ESR1: variants seen among roughly 807,000 people sequenced by gnomAD.
ESR1 encodes estrogen receptor.
A neutral mutation model predicts 52.7 loss-of-function variants in ESR1; 12 were observed. The ratio of observed to expected loss-of-function variants is 0.23; its 90% confidence interval spans 0.15 to 0.37. The LOEUF (loss-of-function observed/expected upper bound fraction) is 0.37, where lower values mean the gene tolerates loss of function less well. Ranked by LOEUF, ESR1 falls within the 10% of genes least tolerant of loss-of-function variation. The probability of loss-of-function intolerance (pLI) is 1.00; values close to 1 mark genes in which losing one functional copy is unlikely to be tolerated. For missense variants in ESR1, 584 were observed against 779.7 expected, an observed-to-expected ratio of 0.75 and a Z score of 2.99; for synonymous variants, 305 against 316.8, an observed-to-expected ratio of 0.96 and a Z score of 0.39.
At chr6:151,914,424 A>G (rs1038747541) in intron 3 of ESR1, among the ~76,000 whole-genome samples, 2 of 152,242 alleles carry the variant, frequency 1.3e-5, no homozygotes, top group Non-Finnish European at 2.9e-5. Flanking sequence ...AGAATTTTCT[A>G]TCATATTCAG....
chr6:151,765,237 T>G (rs931262488), intron 2 of ESR1, among the ~76,000 whole-genome samples: 1 of 152,218 alleles, frequency 6.6e-6, no homozygotes, highest in African/African-American at 2.4e-5. Flanking sequence ...TTAGGAATAT[T>G]TAATCTGTAG....
intron 1 of ESR1, among the ~76,000 whole-genome samples, chr6:151,669,179 AGAGAGAGAGATGGG>A (rs1777950175): frequency 2.4e-5 from 3 of 124,966 alleles, no homozygotes; most frequent in East Asian, 2.2e-4. Context: ...AGAGAGAGAG[AGAGAGAGAGATGGG>A]AATCCAGGGG....
At chr6:151,694,867 T>A (rs1779215403) in intron 1 of ESR1, among the ~76,000 whole-genome samples, 1 of 152,092 alleles carries the variant, frequency 6.6e-6, no homozygotes, top group Non-Finnish European at 1.5e-5. Context: ...ATCTTCCCAC[T>A]AAGTGAATGA....
intron 4 of ESR1, among the ~76,000 whole-genome samples, chr6:151,997,501 A>G (rs2041597920): frequency 6.6e-6 from 1 of 152,138 alleles, no homozygotes; most frequent in Non-Finnish European, 1.5e-5. Context: ...ATCTCATAGG[A>G]TAATATTATA....
At chr6:151,674,444 G>C (rs1182943187) in intron 1 of ESR1, among the ~76,000 whole-genome samples, 1 of 152,182 alleles carries the variant, frequency 6.6e-6, no homozygotes, top group East Asian at 1.9e-4. Flanking sequence ...ATGGGCATTT[G>C]GGTTGGTTCC....
intron 2 of ESR1, among the ~76,000 whole-genome samples, chr6:151,758,285 T>A (rs2128091076): frequency 6.6e-6 from 1 of 152,350 alleles, no homozygotes; most frequent in African/African-American, 2.4e-5. Context: ...ACTTAAAATA[T>A]ACTCGTCTCC....
At chr6:152,097,730 A>G (rs940460265) in intron 7 of ESR1, among the ~76,000 whole-genome samples, 1 of 151,708 alleles carries the variant, frequency 6.6e-6, no homozygotes, top group Non-Finnish European at 1.5e-5. Flanking sequence ...CCCTCTGCCC[A>G]TTTCCCGCTG....
intron 6 of ESR1, chr6:152,112,996 A>T (rs2152513981): frequency 6.6e-6 from 1 of 152,368 alleles, no homozygotes; most frequent in South Asian, 2.1e-4. Flanking sequence ...AGTCAGATGG[A>T]GGTGGGGCGA....
chr6:151,696,427 A>G (rs1421032092), intron 1 of ESR1, among the ~76,000 whole-genome samples: 2 of 151,834 alleles, frequency 1.3e-5, no homozygotes, highest in African/African-American at 4.8e-5. Flanking sequence ...AGCTGAGATA[A>G]CACCACTGCA....
intron 1 of ESR1, chr6:151,811,073 A>C (rs12196113): frequency 6.6e-6 from 1 of 152,232 alleles, no homozygotes; most frequent in South Asian, 2.1e-4. Context: ...ATTTATGTGA[A>C]GGTCACGTCA....
chr6:152,020,306 C>A (rs1353937728), intron 5 of ESR1, among the ~76,000 whole-genome samples: 1 of 152,116 alleles, frequency 6.6e-6, no homozygotes, highest in Non-Finnish European at 1.5e-5. Context: ...TTCTTTTGAG[C>A]TGGCAGGGGG....
rs867177800 is a variant in ESR1, at chr6:151,856,166, G to A, written c.643+13379G>A. 3.3e-5 allele frequency among the ~76,000 whole-genome samples: 5 copies of A among 152,212 alleles called. 2 individuals carry two copies. In the Middle Eastern group the frequency reaches 0.017, roughly 518 times the overall value. ...TAACTTACTTTTGAAGTTTGACATG[G>A]GAGTGATATTAATAAAATCTAAAGA... On this transcript the variant is annotated intron_variant, in intron 2 of 7. Coordinates refer to ENST00000206249, the MANE Select transcript of ESR1 (RefSeq NM_000125.4).
chr6:151,798,989 C>A (rs1011416988), intron 2 of ESR1, among the ~76,000 whole-genome samples: 8 of 152,178 alleles, frequency 5.3e-5, no homozygotes, highest in Admixed American at 2.6e-4. Flanking sequence ...CTTCCCATTT[C>A]TTTATCAGTG....
intron 5 of ESR1, among the ~76,000 whole-genome samples, chr6:152,026,406 T>C (rs557332085): frequency 6.6e-6 from 1 of 152,116 alleles, no homozygotes; most frequent in Admixed American, 6.5e-5. Context: ...TTGATTCCTT[T>C]TTGTTTTCAC....
At chr6:151,817,671 T>C (rs1239416952) in intron 1 of ESR1, among the ~76,000 whole-genome samples, 1 of 152,220 alleles carries the variant, frequency 6.6e-6, no homozygotes, top group Admixed American at 6.5e-5. Flanking sequence ...AGATTTTTGA[T>C]ACCAGATATG....
chr6:151,703,569 C>T (rs1217375037), intron 2 of ESR1, among the ~76,000 whole-genome samples: 1 of 152,082 alleles, frequency 6.6e-6, no homozygotes, highest in Non-Finnish European at 1.5e-5. Context: ...AAGTGGAAGG[C>T]GCCTGTAGCT....
At chr6:151,979,042 A>G (rs1044275023) in intron 4 of ESR1, among the ~76,000 whole-genome samples, 1 of 152,086 alleles carries the variant, frequency 6.6e-6, no homozygotes, top group African/African-American at 2.4e-5. Context: ...CGGGAGGAGG[A>G]GGATGAAGCT....
intron 2 of ESR1, among the ~76,000 whole-genome samples, chr6:151,705,082 A>G (rs1780086606): frequency 6.6e-6 from 1 of 152,018 alleles, no homozygotes; most frequent in Non-Finnish European, 1.5e-5. Context: ...TTGTATCCCC[A>G]TTGTGTGCGA....
At chr6:151,927,670 C>T (rs1037934427) in intron 3 of ESR1, among the ~76,000 whole-genome samples, 9 of 152,070 alleles carry the variant, frequency 5.9e-5, no homozygotes, top group Admixed American at 2.0e-4. Flanking sequence ...TCCAAGAGAC[C>T]AGTCGTGGTG....
Sources: allele counts gnomAD v4.1 joint callset (sites outside exome capture counted in the v4.1 genomes callset), GRCh38; gene constraint gnomAD v4.1.1; transcripts MANE v1.5; gene names NCBI Gene and HGNC (gene_info 2026-07-23, HGNC 2026-07-21).